Variants in FAM220A observed in about 807,000 individuals in gnomAD.
FAM220A encodes the protein protein FAM220A.
For synonymous variants in FAM220A, 141 were observed against 130.7 expected, an observed-to-expected ratio of 1.08 and a Z score of -0.54; for missense variants, 392 against 321.6, an observed-to-expected ratio of 1.22 and a Z score of -1.68.
intron 1 of FAM220A, among the ~76,000 whole-genome samples, chr7:6,333,589 T>C (rs1029022991): frequency 1.3e-5 from 2 of 151,118 alleles, no homozygotes; most frequent in Non-Finnish European, 3.0e-5. Context: ...GCCTGTAACT[T>C]CTGGGCTCAA....
chr7:6,339,496 T>TG lies in FAM220A; in HGVS notation c.-81-8262_-81-8261insC, dbSNP rs532249224. ...GCTGTGTACCCCTTTTTTTGTTTTT[T>TG]TTTTTGAGACGGAGTCTCGCTCTGT... On this transcript the variant is annotated intron_variant, in intron 1 of 1. Transcript: ENST00000313324. Among the ~76,000 whole-genome samples, 8 of 152,098 alleles carry TG rather than the reference T, an allele frequency of 5.3e-5. No homozygotes were observed. The East Asian group carries it at 1.5e-3, about 29-fold the overall frequency.
intron 1 of FAM220A, among the ~76,000 whole-genome samples, chr7:6,340,525 C>T (rs191231895): frequency 4.1e-4 from 63 of 152,234 alleles, no homozygotes; most frequent in African/African-American, 1.4e-3. Context: ...AGGGCAAATA[C>T]AGACCACCCA....
In FAM220A at chr7:6,330,733, T is replaced by C. The variant is rs1169690583; in HGVS notation, c.422A>G (p.His141Arg). The C allele has an allele frequency of 6.2e-7, 1 of 1,614,124 alleles. No homozygotes were observed. Among genetic ancestry groups the C allele is most frequent in the Admixed American group, 1.7e-5 (1 of 59,996 alleles). Residue 141 changes from histidine to arginine, a missense_variant, in exon 2 of 2, where the codon CAC (histidine) becomes CGC (arginine). Coordinates refer to ENST00000313324, the MANE Select transcript of FAM220A (RefSeq NM_001037163.2). ...CTCTCCTTTGGGGCACTGTCCTCTGTGGCCGTCAGTGGCCCTGGGCCCTCC... is the reference window on the plus strand; with the variant it reads ...CTCTCCTTTGGGGCACTGTCCTCTGCGGCCGTCAGTGGCCCTGGGCCCTCC... ...LGGGPRATDG[H>R]RGQCPKGEPR...
chr7:6,333,580 C>G (rs987814885), intron 1 of FAM220A, among the ~76,000 whole-genome samples: 3 of 151,776 alleles, frequency 2.0e-5, no homozygotes, highest in African/African-American at 7.3e-5. Context: ...CTCACTGCAG[C>G]CTGTAACTTC....
At position 6,329,481 on chromosome 7, in the gene FAM220A, A is replaced by T. The variant is rs1233087407; in HGVS notation, c.*894T>A. 1 of 152,704 alleles carries T rather than the reference A, an allele frequency of 6.5e-6. No homozygotes were observed. Among genetic ancestry groups the T allele is most frequent in the Non-Finnish European group, 1.5e-5 (1 of 68,044 alleles). The allele number at this position is 152,704 out of a possible 1,614,324, so 9.5% of individuals were successfully genotyped here. A position where few individuals can be genotyped will look rare whatever the true frequency, so the allele number is the denominator to read the frequency against. ...CATTTTCCCCAAACACTAAAATAGC[A>T]CATGGCATAGTAATTCAGCACACAG... On this transcript the variant is annotated 3_prime_UTR_variant, in exon 2 of 2. Coordinates refer to ENST00000313324, the MANE Select transcript of FAM220A (RefSeq NM_001037163.2).
rs887662848 is a variant in FAM220A at position 6,334,267 on chromosome 7, G to C, written c.-81-3032C>G. Reference sequence around the variant, plus strand: ...AAGTTGTTGACTGGCTGGGCGCAGTGGCTCACGCCTGTAATCCCAGCACTT... The same window carrying C: ...AAGTTGTTGACTGGCTGGGCGCAGTCGCTCACGCCTGTAATCCCAGCACTT... On this transcript the variant is annotated intron_variant, in intron 1 of 1. Transcript: ENST00000313324. Among the ~76,000 whole-genome samples the C allele has an allele frequency of 2.0e-5, 3 of 151,504 alleles. No homozygotes were observed. The East Asian group carries it at 6.1e-4, about 31-fold the overall frequency.
Position 6,330,768 on chromosome 7 carries a change from G to A in FAM220A, c.387C>T (p.Asp129=). The A allele has an allele frequency of 7.4e-6, 12 of 1,614,142 alleles. No individual in the cohort carries two copies. The highest frequency in any genetic ancestry group is 1.0e-5 in the Non-Finnish European group (12 of 1,180,018). ...TGGCCCTGGGCCCTCCTCCCAGCCA[G>A]TCTCGCCGCCCCAGAGCTTCAACAC... The part of the protein sequence containing the change: ...CSGVEALGRR[D]WLGGGPRATD... Residue 129 remains aspartate (D), a synonymous_variant, in exon 2 of 2, where the codon GAC becomes GAT. Transcript: ENST00000313324.
At position 6,330,400 on chromosome 7, in the gene FAM220A, A is replaced by G; in HGVS notation, c.755T>C (p.Leu252Ser). 1 of 1,613,308 alleles carries G rather than the reference A, an allele frequency of 6.2e-7. No homozygotes were observed. The highest frequency in any genetic ancestry group is 8.5e-7 in the Non-Finnish European group (1 of 1,179,844). ...TTAACTATGGCATAATGTATTTGCT[A>G]ATTCAAAAGGTTGCAGAGCCAGTAA... ...LGLLALQPFE[L>S]ANTLCHS The change falls in exon 2 of 2, where the codon TTA becomes TCA. Residue 252 changes from leucine to serine, a missense_variant. Leu to Ser is a moderately radical substitution (Grantham distance 145). Coordinates refer to ENST00000313324, the MANE Select transcript of FAM220A (RefSeq NM_001037163.2).
At chr7:6,348,484 G>A (rs1236896798) in intron 1 of FAM220A, 89 bp downstream of exon 1, 1 of 409,444 alleles carries the variant, frequency 2.4e-6, no homozygotes, top group Non-Finnish European at 4.3e-6. Flanking sequence ...TCAGCTTCTA[G>A]GCAGTGGCAG....
At chr7:6,343,237 C>T (rs1781897284) in intron 1 of FAM220A, among the ~76,000 whole-genome samples, 1 of 150,314 alleles carries the variant, frequency 6.7e-6, no homozygotes, top group African/African-American at 2.4e-5. Flanking sequence ...ATTAGCTGGG[C>T]GTGGTACCAG....
intron 1 of FAM220A, among the ~76,000 whole-genome samples, chr7:6,345,794 A>T (rs1170510771): frequency 6.6e-6 from 1 of 151,586 alleles, no homozygotes; most frequent in Non-Finnish European, 1.5e-5. Context: ...TTTGAGACAG[A>T]GTCTCGCTGT....
Position 6,330,594 on chromosome 7 carries a change from G to A in FAM220A, c.561C>T (p.Cys187=). 1.2e-6 allele frequency: 2 copies of A among 1,614,158 alleles called. No homozygotes were observed. Among genetic ancestry groups the A allele is most frequent in the Non-Finnish European group, 1.7e-6 (2 of 1,180,028 alleles). ...GCGTTGCAGACAGGATGGAGTGCAG[G>A]CAAGCGGGTTCCAACTCAGAGCCCA... ...KGLGSELEPA[C]LHSILSATLH... The change falls in exon 2 of 2, where the codon TGC becomes TGT. Residue 187 remains cysteine, a synonymous_variant. Coordinates refer to ENST00000313324, the MANE Select transcript of FAM220A (RefSeq NM_001037163.2).
At chr7:6,334,207 T>A (rs1781701887) in intron 1 of FAM220A, among the ~76,000 whole-genome samples, 1 of 151,438 alleles carries the variant, frequency 6.6e-6, no homozygotes, top group Non-Finnish European at 1.5e-5. Flanking sequence ...GGATTACAGG[T>A]GTGTACCACT....
intron 1 of FAM220A, among the ~76,000 whole-genome samples, chr7:6,335,439 G>T (rs1181688750): frequency 6.6e-6 from 1 of 151,830 alleles, no homozygotes; most frequent in Non-Finnish European, 1.5e-5. Context: ...ATGTTGCCAG[G>T]CTGGTCTTGA....
chr7:6,333,168 C>CAAAAAAAA (rs111863837), intron 1 of FAM220A, among the ~76,000 whole-genome samples: 1 of 127,988 alleles, frequency 7.8e-6, no homozygotes, highest in Non-Finnish European at 1.8e-5. Flanking sequence ...ATAAAAAAAT[C>CAAAAAAAA]AAAAAAAAAA....
chr7:6,338,393 T>C (rs1781786674), intron 1 of FAM220A, among the ~76,000 whole-genome samples: 1 of 152,158 alleles, frequency 6.6e-6, no homozygotes, highest in South Asian at 2.1e-4. Context: ...GTGTAAATGA[T>C]GGTATTACAA....
Position 6,330,598 on chromosome 7 carries a change from G to A in FAM220A, c.557C>T (p.Ala186Val), listed in dbSNP as rs745374493. 1.2e-6 allele frequency: 2 copies of A among 1,614,066 alleles called. No homozygotes were observed. Among genetic ancestry groups the A allele is most frequent in the Admixed American group, 1.7e-5 (1 of 59,974 alleles). Residue 186 changes from alanine (A) to valine (V), a missense_variant, in exon 2 of 2, where the codon GCT becomes GTT. Coordinates refer to ENST00000313324, the MANE Select transcript of FAM220A (RefSeq NM_001037163.2). ...TGCAGACAGGATGGAGTGCAGGCAAGCGGGTTCCAACTCAGAGCCCAGACC... is the reference window on the plus strand; with the variant it reads ...TGCAGACAGGATGGAGTGCAGGCAAACGGGTTCCAACTCAGAGCCCAGACC... ...PKGLGSELEP[A>V]CLHSILSATL...
chr7:6,341,583 G>A (rs937453468), intron 1 of FAM220A, among the ~76,000 whole-genome samples: 13 of 150,702 alleles, frequency 8.6e-5, no homozygotes, highest in East Asian at 1.9e-4. Flanking sequence ...CCAGCTACTC[G>A]GGAGGCTGAG....
chr7:6,330,791 C>T lies in FAM220A; in HGVS notation c.364G>A (p.Val122Ile), dbSNP rs1312722343. 2 of 1,614,064 alleles carry T rather than the reference C, an allele frequency of 1.2e-6. No individual in the cohort carries two copies. Among genetic ancestry groups the T allele is most frequent in the Non-Finnish European group, 1.7e-6 (2 of 1,180,042 alleles). Residue 122 changes from valine to isoleucine, a missense_variant, in exon 2 of 2, where the codon GTT becomes ATT. Coordinates refer to ENST00000313324, the MANE Select transcript of FAM220A (RefSeq NM_001037163.2). ...ECFARVSCSG[V>I]EALGRRDWLG... ...CAGTCTCGCCGCCCCAGAGCTTCAACACCACTGCAGGACACCCGAGCAAAA... is the reference window on the plus strand; with the variant it reads ...CAGTCTCGCCGCCCCAGAGCTTCAATACCACTGCAGGACACCCGAGCAAAA...
Sources: allele counts gnomAD v4.1 joint callset (sites outside exome capture counted in the v4.1 genomes callset), GRCh38; gene constraint gnomAD v4.1.1; transcripts MANE v1.5; gene names NCBI Gene and HGNC (gene_info 2026-07-23, HGNC 2026-07-21).